The following SNX14 variants were observed in gnomAD, a reference collection of about 807,000 sequenced individuals.
SNX14 encodes sorting nexin-14.
In SNX14, 93 loss-of-function variants were observed where a neutral mutation model predicts 133.8. That is an observed-to-expected ratio of 0.70 (90% CI 0.59 to 0.83). The LOEUF (loss-of-function observed/expected upper bound fraction) is 0.83. SNX14 is among the 40% of genes least tolerant of loss of function. The pLI, the probability that SNX14 is intolerant of heterozygous loss-of-function variation, is 0.00. For missense variants in SNX14, 945 were observed against 1,094.9 expected, an observed-to-expected ratio of 0.86 and a Z score of 1.93; for synonymous variants, 368 against 365.6, an observed-to-expected ratio of 1.01 and a Z score of -0.07.
chr6:85,550,353 T>A (rs1264705066), intron 7 of SNX14, among the ~76,000 whole-genome samples: 1 of 152,186 alleles, frequency 6.6e-6, no homozygotes, highest in Non-Finnish European at 1.5e-5. Context: ...ACAAGTTATA[T>A]AAAATAATAG....
intron 21 of SNX14, among the ~76,000 whole-genome samples, chr6:85,523,702 T>G (rs986366739): frequency 1.3e-5 from 2 of 152,040 alleles, no homozygotes; most frequent in Non-Finnish European, 2.9e-5. Context: ...AAGGCAGAAG[T>G]TGCAGTGAGC....
At chr6:85,510,896 T>C (rs1285194549) in intron 26 of SNX14, among the ~76,000 whole-genome samples, 4 of 152,314 alleles carry the variant, frequency 2.6e-5, no homozygotes, top group South Asian at 4.1e-4. Flanking sequence ...CAATATTGAG[T>C]TGGCTATTCT....
chr6:85,517,584 C>T (rs1274874022), intron 23 of SNX14, 172 bp downstream of exon 23: 2 of 603,746 alleles, frequency 3.3e-6, no homozygotes, highest in Admixed American at 7.8e-5. Context: ...AAGCAAAGAA[C>T]CAAGTAATTA....
rs111496756 is a variant in SNX14 at position 85,517,265 on chromosome 6, C to T, written c.2268+491G>A. ...GGTCCTCTGAGCTTCCATAGCTCCC[C>T]ATGCTGGGCACTACACCTTGGCACT... On this transcript the variant is annotated intron_variant, in intron 23 of 28. Coordinates refer to ENST00000314673, the MANE Select transcript of SNX14 (RefSeq NM_153816.6). Among the ~76,000 whole-genome samples, 137 of 152,266 alleles carry T rather than the reference C, an allele frequency of 9.0e-4. 1 individual carries two copies. The highest frequency in any genetic ancestry group is 3.1e-3 in the African/African-American group (130 of 41,558).
At chr6:85,549,648 C>A in intron 8 of SNX14, 75 bp downstream of exon 8, 1 of 1,329,078 alleles carries the variant, frequency 7.5e-7, no homozygotes, top group Admixed American at 2.8e-5. Context: ...TAGCATATGC[C>A]TATCATAACC....
intron 4 of SNX14, among the ~76,000 whole-genome samples, chr6:85,570,848 G>A (rs1431038579): frequency 4.0e-5 from 6 of 150,294 alleles, no homozygotes; most frequent in South Asian, 2.1e-4. Context: ...GCGAGATTCC[G>A]TCTCAAAAAA....
chr6:85,559,697 G>A (rs1198490021), intron 6 of SNX14, among the ~76,000 whole-genome samples: 1 of 152,126 alleles, frequency 6.6e-6, no homozygotes, highest in East Asian at 1.9e-4. Context: ...TAGTGACGCA[G>A]ATAAGAGCCA....
intron 26 of SNX14, among the ~76,000 whole-genome samples, chr6:85,510,408 G>A (rs1286293681): frequency 1.3e-5 from 2 of 152,128 alleles, no homozygotes; most frequent in East Asian, 3.8e-4. Flanking sequence ...TCATATGCTT[G>A]TGTGTAATCT....
At chr6:85,560,801 A>C (rs1260546811) in intron 6 of SNX14, among the ~76,000 whole-genome samples, 1 of 152,138 alleles carries the variant, frequency 6.6e-6, no homozygotes, top group Non-Finnish European at 1.5e-5. Context: ...TGGGAGACCG[A>C]GGTGGGTGAA....
At chr6:85,507,863 G>T in intron 27 of SNX14, 105 bp downstream of exon 27, 2 of 639,830 alleles carry the variant, frequency 3.1e-6, no homozygotes, top group South Asian at 4.4e-5. Context: ...ATATTGCCTT[G>T]GTTTAGTATA....
In SNX14 at chr6:85,514,635, A is replaced by C; in HGVS notation, c.2269-6T>G. ...TTAAACAGATCATTGAAAAGCTAAA[A>C]TAAAAGTTGGAATAATAAAGAGATA... is the stretch of plus-strand genomic sequence containing the variant. On this transcript the variant is annotated splice_region_variant and splice_polypyrimidine_tract_variant and intron_variant, in intron 23 of 28. Transcript: ENST00000314673. 3 of 1,608,238 alleles carry C rather than the reference A, an allele frequency of 1.9e-6. No homozygotes were observed. The highest frequency in any genetic ancestry group is 2.5e-6 in the Non-Finnish European group (3 of 1,176,516).
chr6:85,564,881 C>T (rs193172336), intron 6 of SNX14, among the ~76,000 whole-genome samples: 5 of 151,416 alleles, frequency 3.3e-5, no homozygotes, highest in African/African-American at 7.3e-5. Flanking sequence ...CCCAGCTACT[C>T]GAGAGGCTGA....
chr6:85,514,429 A>C (rs1774072492), intron 24 of SNX14, 77 bp downstream of exon 24: 1 of 1,539,056 alleles, frequency 6.5e-7, no homozygotes, highest in African/African-American at 1.4e-5. Flanking sequence ...ATGATGGGGC[A>C]ATACTCAAGA....
intron 6 of SNX14, among the ~76,000 whole-genome samples, chr6:85,559,622 C>A (rs1790879238): frequency 6.6e-6 from 1 of 152,152 alleles, no homozygotes; most frequent in African/African-American, 2.4e-5. Flanking sequence ...CATTTGCTAA[C>A]ACTTTGACAA....
chr6:85,560,489 G>A (rs1427520404), intron 6 of SNX14, among the ~76,000 whole-genome samples: 3 of 152,198 alleles, frequency 2.0e-5, no homozygotes, highest in Admixed American at 2.0e-4. Flanking sequence ...TGAAGGGATA[G>A]AAGAGGTGAT....
chr6:85,566,428 TGG>T (rs1406060749), intron 5 of SNX14, among the ~76,000 whole-genome samples: 1 of 152,040 alleles, frequency 6.6e-6, no homozygotes, highest in East Asian at 1.9e-4. Context: ...CCAGGCATGG[TGG>T]CTCACACCTA....
chr6:85,581,824 A>G (rs1799150607), intron 1 of SNX14: 1 of 152,200 alleles, frequency 6.6e-6, no homozygotes, highest in South Asian at 2.1e-4. Flanking sequence ...ACAAAATAAC[A>G]AAACACAACT....
intron 21 of SNX14, among the ~76,000 whole-genome samples, chr6:85,521,924 T>C (rs1404860923): frequency 6.6e-6 from 1 of 152,226 alleles, no homozygotes; most frequent in Non-Finnish European, 1.5e-5. Context: ...TTTTATTATG[T>C]GATTGATAGT....
chr6:85,555,328 C>G (rs754469028), intron 7 of SNX14, among the ~76,000 whole-genome samples: 1 of 152,076 alleles, frequency 6.6e-6, no homozygotes, highest in African/African-American at 2.4e-5. Flanking sequence ...AAAATTGGAC[C>G]AAGATGTCCT....
Sources: gnomAD v4.1 joint callset for allele counts (sites outside exome capture counted in the v4.1 genomes callset) on GRCh38, gnomAD v4.1.1 for gene constraint, MANE v1.5 for transcripts, NCBI Gene and HGNC (gene_info 2026-07-23, HGNC 2026-07-21) for gene names.